The following FHIT variants were observed in gnomAD, a reference collection of about 807,000 sequenced individuals.
FHIT encodes bis(5'-adenosyl)-triphosphatase.
In FHIT, 19 loss-of-function variants were observed where a neutral mutation model predicts 17.9. The observed-to-expected ratio is 1.06, with a 90% CI of 0.74 to 1.56. The LOEUF (loss-of-function observed/expected upper bound fraction) is 1.56. FHIT is among the 40% of genes most tolerant of loss of function. FHIT has a pLI of 0.00. For synonymous variants in FHIT, 81 were observed against 69.7 expected, an observed-to-expected ratio of 1.16 and a Z score of -0.81; for missense variants, 248 against 189.2, an observed-to-expected ratio of 1.31 and a Z score of -1.82.
intron 4 of FHIT, among the ~76,000 whole-genome samples, chr3:60,714,079 T>C (rs1158418712): frequency 1.3e-5 from 2 of 152,192 alleles, no homozygotes; most frequent in East Asian, 3.8e-4. Flanking sequence ...AAAAAGCTTA[T>C]CCACCATGAG....
intron 8 of FHIT, among the ~76,000 whole-genome samples, chr3:59,882,603 G>C (rs930024417): frequency 6.6e-6 from 1 of 152,138 alleles, no homozygotes; most frequent in Admixed American, 6.5e-5. Flanking sequence ...GGAGAAGTCT[G>C]GCAAGGAAAG....
intron 5 of FHIT, among the ~76,000 whole-genome samples, chr3:60,455,069 T>A (rs1390241552): frequency 6.6e-6 from 1 of 152,124 alleles, no homozygotes; most frequent in African/African-American, 2.4e-5. Context: ...AATTTCCTTA[T>A]TTTTAAAAAA....
intron 5 of FHIT, among the ~76,000 whole-genome samples, chr3:60,458,687 T>C (rs2032267571): frequency 6.6e-6 from 1 of 152,118 alleles, no homozygotes; most frequent in Non-Finnish European, 1.5e-5. Context: ...CAACACACCT[T>C]GACCGCCAAC....
At chr3:60,191,389 CT>C (rs1702397247) in intron 5 of FHIT, among the ~76,000 whole-genome samples, 1 of 152,172 alleles carries the variant, frequency 6.6e-6, no homozygotes, top group Admixed American at 6.5e-5. Flanking sequence ...AGGTTGTCAC[CT>C]AGTGAACTAC....
At chr3:61,157,451 G>C (rs140854335) in intron 2 of FHIT, among the ~76,000 whole-genome samples, 199 of 152,246 alleles carry the variant, frequency 1.3e-3, no homozygotes, top group Non-Finnish European at 1.7e-3. Flanking sequence ...GAACACCCTG[G>C]TAGTCAAAGT....
chr3:59,800,204 A>G (rs1424994306), intron 8 of FHIT, among the ~76,000 whole-genome samples: 1 of 152,336 alleles, frequency 6.6e-6, no homozygotes. Context: ...CTGGGTTATA[A>G]TGCCATGTCC....
chr3:60,094,558 T>G (rs916263963), intron 5 of FHIT, among the ~76,000 whole-genome samples: 5 of 152,180 alleles, frequency 3.3e-5, no homozygotes, highest in African/African-American at 1.2e-4. Context: ...ACAACCTAAT[T>G]GAAGGTGGCA....
intron 4 of FHIT, among the ~76,000 whole-genome samples, chr3:60,668,529 C>G (rs2107837949): frequency 6.6e-6 from 1 of 150,998 alleles, no homozygotes. Flanking sequence ...TGCTGTTCCT[C>G]CAGGCCTAGG....
At chr3:61,146,722 T>C (rs1310406539) in intron 2 of FHIT, among the ~76,000 whole-genome samples, 1 of 152,038 alleles carries the variant, frequency 6.6e-6, no homozygotes, top group African/African-American at 2.4e-5. Context: ...AATGTCTTTG[T>C]GATATTGCTG....
intron 5 of FHIT, among the ~76,000 whole-genome samples, chr3:60,502,481 A>T (rs2034562454): frequency 6.6e-6 from 1 of 152,152 alleles, no homozygotes; most frequent in Non-Finnish European, 1.5e-5. Context: ...CTTCACTCGG[A>T]AGTTACTTTT....
chr3:60,294,211 A>G lies in FHIT; in HGVS notation c.103+242649T>C, dbSNP rs1708106803. Reference sequence around the variant, plus strand: ...GCCAGTAAGTTCTATGCATTAAAACAGACCACGCAAAGCACATCTGATGGA... The same window carrying G: ...GCCAGTAAGTTCTATGCATTAAAACGGACCACGCAAAGCACATCTGATGGA... On this transcript the variant is annotated intron_variant, in intron 5 of 9. Coordinates refer to ENST00000492590, the MANE Select transcript of FHIT (RefSeq NM_002012.4). Among the ~76,000 whole-genome samples the G allele has an allele frequency of 4.6e-5, 7 of 152,174 alleles. No homozygotes were observed. The South Asian group carries it at 1.4e-3, about 31-fold the overall frequency.
At chr3:60,717,124 G>A (rs2041702452) in intron 4 of FHIT, among the ~76,000 whole-genome samples, 1 of 152,140 alleles carries the variant, frequency 6.6e-6, no homozygotes, top group Admixed American at 6.5e-5. Flanking sequence ...GTAGAAGGTT[G>A]GTTGCCAGGG....
intron 5 of FHIT, among the ~76,000 whole-genome samples, chr3:60,524,125 G>A (rs1559511669): frequency 6.6e-6 from 1 of 151,926 alleles, no homozygotes; most frequent in Non-Finnish European, 1.5e-5. Flanking sequence ...TGCCCAGGCA[G>A]AGGAGATGCA....
chr3:59,825,369 G>GCA (rs376503685), intron 8 of FHIT, among the ~76,000 whole-genome samples: 73 of 152,232 alleles, frequency 4.8e-4, no homozygotes, highest in African/African-American at 1.7e-3. Context: ...TGTGTTAATG[G>GCA]CACTTTCATT....
chr3:60,147,257 C>T (rs1010064342), intron 5 of FHIT, among the ~76,000 whole-genome samples: 1 of 152,184 alleles, frequency 6.6e-6, no homozygotes, highest in Non-Finnish European at 1.5e-5. Context: ...GCTTTGAACT[C>T]TCTGTCTTTG....
intron 5 of FHIT, among the ~76,000 whole-genome samples, chr3:60,440,012 C>T (rs1273979244): frequency 6.6e-6 from 1 of 152,052 alleles, no homozygotes; most frequent in Admixed American, 6.6e-5. Context: ...ATCGACAGCC[C>T]CACAGCTGGT....
chr3:60,074,073 G>C (rs941295517), intron 5 of FHIT, among the ~76,000 whole-genome samples: 6 of 152,052 alleles, frequency 3.9e-5, no homozygotes, highest in African/African-American at 1.4e-4. Flanking sequence ...TTCACTATGA[G>C]AAGCAGATGT....
chr3:59,829,061 A>T (rs1379096384), intron 8 of FHIT, among the ~76,000 whole-genome samples: 1 of 152,204 alleles, frequency 6.6e-6, no homozygotes, highest in Non-Finnish European at 1.5e-5. Context: ...AATGATGTTT[A>T]TTTTACATGT....
intron 3 of FHIT, among the ~76,000 whole-genome samples, chr3:60,899,145 C>G (rs1210498967): frequency 6.6e-6 from 1 of 152,114 alleles, no homozygotes; most frequent in African/African-American, 2.4e-5. Flanking sequence ...AAAATAATGC[C>G]ATTCCTGAAA....
Sources: gnomAD v4.1 joint callset for allele counts (sites outside exome capture counted in the v4.1 genomes callset) on GRCh38, gnomAD v4.1.1 for gene constraint, MANE v1.5 for transcripts, NCBI Gene and HGNC (gene_info 2026-07-23, HGNC 2026-07-21) for gene names.